The following PPME1 variants were observed in gnomAD, a reference collection of about 807,000 sequenced individuals.
The protein encoded by PPME1 is protein phosphatase methylesterase 1.
Under a neutral mutation model 56.9 loss-of-function variants are expected in PPME1, and 17 were observed. The ratio of observed to expected loss-of-function variants is 0.30; its 90% CI spans 0.20 to 0.45. PPME1 has a LOEUF of 0.45. Among genes scored for constraint, PPME1 ranks in the 20% least tolerant of loss-of-function variants. The pLI is 1.00. For missense variants in PPME1, 357 were observed against 483.2 expected, an observed-to-expected ratio of 0.74 and a Z score of 2.45; for synonymous variants, 122 against 156.2, an observed-to-expected ratio of 0.78 and a Z score of 1.63.
intron 1 of PPME1, among the ~76,000 whole-genome samples, chr11:74,193,858 A>G (rs957430606): frequency 1.3e-5 from 2 of 152,078 alleles, no homozygotes; most frequent in South Asian, 2.1e-4. Context: ...GTTATTTTAT[A>G]TTGTATTTGA....
intron 13 of PPME1, chr11:74,252,628 C>A: frequency 4.6e-6 from 2 of 434,902 alleles, no homozygotes; most frequent in South Asian, 1.6e-5. Flanking sequence ...CTGTCCTGTG[C>A]ATTGTAGGAT....
chr11:74,210,853 A>G (rs1174604398), intron 3 of PPME1, among the ~76,000 whole-genome samples: 2 of 152,222 alleles, frequency 1.3e-5, no homozygotes, highest in African/African-American at 4.8e-5. Context: ...GGACTAAGAC[A>G]GTAAGGGTGC....
chr11:74,197,089 A>G (rs1007831270), intron 1 of PPME1, among the ~76,000 whole-genome samples: 27 of 152,086 alleles, frequency 1.8e-4, no homozygotes, highest in African/African-American at 6.3e-4. Context: ...TGGACTTTTG[A>G]TTGTATTTAG....
intron 8 of PPME1, 125 bp downstream of exon 8, chr11:74,236,091 T>C (rs954798189): frequency 5.6e-6 from 8 of 1,423,704 alleles, no homozygotes; most frequent in Non-Finnish European, 7.5e-6. Flanking sequence ...TTTTAAATAA[T>C]TTTAAAGGTG....
chr11:74,173,293 T>G (rs529971765), intron 1 of PPME1, among the ~76,000 whole-genome samples: 5 of 152,322 alleles, frequency 3.3e-5, no homozygotes, highest in Non-Finnish European at 7.4e-5. Context: ...TTGCTGCCTT[T>G]CTTAAAATAA....
At chr11:74,226,215 A>G (rs894456753) in intron 5 of PPME1, among the ~76,000 whole-genome samples, 1 of 152,170 alleles carries the variant, frequency 6.6e-6, no homozygotes, top group Non-Finnish European at 1.5e-5. Context: ...ATAAATCATT[A>G]ACTTATTTTG....
intron 4 of PPME1, among the ~76,000 whole-genome samples, chr11:74,224,881 C>T (rs2135653323): frequency 6.7e-6 from 1 of 150,256 alleles, no homozygotes; most frequent in Admixed American, 6.6e-5. Flanking sequence ...ACAATCATGT[C>T]GTCTGCAAAC....
intron 3 of PPME1, among the ~76,000 whole-genome samples, chr11:74,208,723 AG>A (rs1235114835): frequency 3.9e-5 from 6 of 152,216 alleles, no homozygotes; most frequent in Non-Finnish European, 7.3e-5. Context: ...CAAGATACAA[AG>A]GTAATGCAGA....
At chr11:74,172,250 A>G (rs1019404930) in intron 1 of PPME1, among the ~76,000 whole-genome samples, 3 of 152,140 alleles carry the variant, frequency 2.0e-5, no homozygotes, top group African/African-American at 7.2e-5. Flanking sequence ...GAGAGAGAAG[A>G]AGGAGAGGAC....
chr11:74,225,659 T>G (rs1349304288), intron 5 of PPME1, among the ~76,000 whole-genome samples: 4 of 152,222 alleles, frequency 2.6e-5, no homozygotes, highest in Non-Finnish European at 5.9e-5. Flanking sequence ...CTTCGTCTTA[T>G]GTCATAGAAA....
Position 74,253,509 on chromosome 11 carries a change from A to G in PPME1, c.1160A>G (p.Ter387TrpextTer1). 2.5e-6 allele frequency: 4 copies of G among 1,608,450 alleles called. No individual in the cohort carries two copies. Among genetic ancestry groups the G allele is most frequent in the Non-Finnish European group, 3.4e-6 (4 of 1,174,960 alleles). The change falls in exon 14 of 14, where the codon TAG becomes TGG. Residue 387 changes from the stop codon to tryptophan (W), a stop_lost. Coordinates refer to ENST00000328257, the MANE Select transcript of PPME1 (RefSeq NM_016147.3). ...TTCCACAGTGTGTTTCCTGGCTGTT[A>G]GTGACCTGCTGTCCACCCCTCCTCA... The part of the protein sequence containing the change: ...GGFQCVFPGC[*>W]
intron 1 of PPME1, among the ~76,000 whole-genome samples, chr11:74,196,589 C>T (rs1012978102): frequency 6.6e-6 from 1 of 152,092 alleles, no homozygotes; most frequent in Non-Finnish European, 1.5e-5. Flanking sequence ...TCTTGGATCT[C>T]ACTCAAGAAA....
At chr11:74,222,269 G>C (rs1333887599) in intron 3 of PPME1, 43 bp from the exon 4 acceptor site, 1 of 1,455,800 alleles carries the variant, frequency 6.9e-7, no homozygotes, top group Non-Finnish European at 9.6e-7. Flanking sequence ...GGTGAAATTT[G>C]TTATCCTAGA....
At chr11:74,233,204 A>G (rs1459302139) in intron 7 of PPME1, among the ~76,000 whole-genome samples, 8 of 152,142 alleles carry the variant, frequency 5.3e-5, no homozygotes, top group Non-Finnish European at 1.2e-4. Flanking sequence ...CCTGGGTATC[A>G]TGGTAGGCCT....
rs1857220251 is a variant in PPME1, at chr11:74,171,481, C to T, written c.60C>T (p.Pro20=). Reference sequence around the variant, plus strand: ...GCCTTCCCTCTCGCCCACCTCTACCCGGCAGCGGGGGCAGTCAGAGCGGAG... The same window carrying T: ...GCCTTCCCTCTCGCCCACCTCTACCTGGCAGCGGGGGCAGTCAGAGCGGAG... ...LGRLPSRPPL[P]GSGGSQSGAK... The change falls in exon 1 of 14, where the codon CCC becomes CCT. Residue 20 remains proline, a synonymous_variant. Transcript: ENST00000328257. The T allele has an allele frequency of 6.2e-7, 1 of 1,613,324 alleles. No individual in the cohort carries two copies.
chr11:74,240,965 C>G (rs983515346), intron 9 of PPME1, among the ~76,000 whole-genome samples: 2 of 152,186 alleles, frequency 1.3e-5, no homozygotes, highest in Non-Finnish European at 2.9e-5. Context: ...AGATACTTGC[C>G]CATGGTCACA....
In PPME1 at chr11:74,230,520, T is replaced by G; in HGVS notation, c.553+121T>G. 4 of 1,199,976 alleles carry G rather than the reference T, an allele frequency of 3.3e-6. No individual in the cohort carries two copies. The highest frequency in any genetic ancestry group is 4.7e-6 in the Non-Finnish European group (4 of 848,050). 74.3% of individuals were successfully genotyped at this position (1,199,976 alleles called of 1,614,324 possible). The stretch of plus-strand genomic sequence containing the variant: ...CATCTTGAAATATGTCCCTCTGTCT[T>G]TATATCTTTTTTAAGTTTATACAAG... On this transcript the variant is annotated intron_variant, in intron 6 of 13. Transcript: ENST00000328257. The surrounding 1 kb of genome is among the most constrained non-coding windows in gnomAD (Gnocchi z 4.9).
chr11:74,216,720 T>G (rs1858655672), intron 3 of PPME1, among the ~76,000 whole-genome samples: 1 of 151,918 alleles, frequency 6.6e-6, no homozygotes, highest in South Asian at 2.1e-4. Flanking sequence ...AAACATGAAA[T>G]TGGCAAACCT....
At chr11:74,181,205 C>T (rs527856736) in intron 1 of PPME1, among the ~76,000 whole-genome samples, 5 of 151,792 alleles carry the variant, frequency 3.3e-5, no homozygotes, top group African/African-American at 7.3e-5. Flanking sequence ...CCACCGCGCC[C>T]GGCTAATTTT....
Sources: allele counts gnomAD v4.1 joint callset (sites outside exome capture counted in the v4.1 genomes callset), GRCh38; gene constraint gnomAD v4.1.1; non-coding constraint Gnocchi (gnomAD v3.1); transcripts MANE v1.5; gene names NCBI Gene and HGNC (gene_info 2026-07-23, HGNC 2026-07-21).